Variants in MMS22L observed in about 807,000 individuals in gnomAD.
MMS22L encodes the protein protein MMS22-like.
Under a neutral mutation model 159.1 loss-of-function variants are expected in MMS22L, and 74 were observed. That is an observed-to-expected ratio of 0.47 (90% CI 0.39 to 0.56). MMS22L has a LOEUF of 0.56. Among genes scored for constraint, MMS22L ranks in the 20% least tolerant of loss-of-function variants. MMS22L has a pLI of 0.00. For synonymous variants in MMS22L, 517 were observed against 506.9 expected, an observed-to-expected ratio of 1.02 and a Z score of -0.27; for missense variants, 1,351 against 1,422.1, an observed-to-expected ratio of 0.95 and a Z score of 0.80.
chr6:97,250,651 C>T (rs914598141), intron 10 of MMS22L, among the ~76,000 whole-genome samples: 5 of 152,086 alleles, frequency 3.3e-5, no homozygotes, highest in Admixed American at 2.6e-4. Flanking sequence ...TACAGGCCTA[C>T]ACTAAGAAAT....
intron 7 of MMS22L, among the ~76,000 whole-genome samples, chr6:97,269,101 A>G (rs1464019424): frequency 6.6e-6 from 1 of 152,144 alleles, no homozygotes; most frequent in Non-Finnish European, 1.5e-5. Flanking sequence ...TACTAAAAAA[A>G]GAGGAAAATT....
At chr6:97,151,353 T>C (rs566797372) in intron 23 of MMS22L, among the ~76,000 whole-genome samples, 1 of 152,342 alleles carries the variant, frequency 6.6e-6, no homozygotes, top group Non-Finnish European at 1.5e-5. Flanking sequence ...CATGTTATAC[T>C]GATTTGCAGC....
chr6:97,269,986 GA>G lies in MMS22L; in HGVS notation c.612del (p.Pro205HisfsTer18). 1 of 1,610,702 alleles carries G rather than the reference GA, an allele frequency of 6.2e-7. No homozygotes were observed. Among genetic ancestry groups the G allele is most frequent in the Non-Finnish European group, 8.5e-7 (1 of 1,178,238 alleles). On this transcript the variant is annotated frameshift_variant, in exon 7 of 25. Coordinates refer to ENST00000683635, the MANE Select transcript of MMS22L (RefSeq NM_001350599.2). LOFTEE classifies it high-confidence loss of function. The stretch of plus-strand genomic sequence containing the variant: ...AGATGTAATAAATGCCATGACGGTG[GA>G]AAAAGCTGTGGATGACATTATCAAC... Reference protein sequence around the residue: ...AFVNQNQIKLFPPSWHLLHLH... With the variant: ...AFVNQNQIKLXPPSWHLLHLH...
At chr6:97,193,105 A>G (rs1419721934) in intron 14 of MMS22L, among the ~76,000 whole-genome samples, 1 of 152,242 alleles carries the variant, frequency 6.6e-6, no homozygotes, top group Admixed American at 6.5e-5. Flanking sequence ...ATAAAGTAGT[A>G]TAACAGCTAA....
chr6:97,228,621 T>C (rs1357289787), intron 14 of MMS22L, among the ~76,000 whole-genome samples: 1 of 152,182 alleles, frequency 6.6e-6, no homozygotes, highest in Non-Finnish European at 1.5e-5. Flanking sequence ...CTCCTCAAAA[T>C]ATCTCATTAT....
At position 97,149,835 on chromosome 6, in the gene MMS22L, T is replaced by C; in HGVS notation, c.3650+18A>G. ...ATAATCACTGCCCCCCCCAATGTAA[T>C]TAAATTATCAAACATACCTTTGTGC... On this transcript the variant is annotated intron_variant, in intron 24 of 24. Coordinates refer to ENST00000683635, the MANE Select transcript of MMS22L (RefSeq NM_001350599.2). 6.4e-7 allele frequency: 1 copy of C among 1,563,856 alleles called. No homozygotes were observed. The highest frequency in any genetic ancestry group is 8.7e-7 in the Non-Finnish European group (1 of 1,154,466).
chr6:97,226,731 GAT>G (rs1810299516), intron 14 of MMS22L, among the ~76,000 whole-genome samples: 1 of 152,060 alleles, frequency 6.6e-6, no homozygotes, highest in African/African-American at 2.4e-5. Flanking sequence ...GTAGGAAGGA[GAT>G]ATCTGGAAGG....
chr6:97,159,106 T>C (rs1241280624), intron 22 of MMS22L, among the ~76,000 whole-genome samples: 1 of 151,034 alleles, frequency 6.6e-6, no homozygotes, highest in African/African-American at 2.4e-5. Flanking sequence ...GTCTGTTTTA[T>C]CAGAGACTAG....
intron 14 of MMS22L, among the ~76,000 whole-genome samples, chr6:97,215,113 TA>T (rs139698760): frequency 0.46 from 56,559 of 123,542 alleles, 11,968 homozygotes; most frequent in Non-Finnish European, 0.55. Context: ...TATATATATA[TA>T]TTTTTTTTTT....
chr6:97,275,479 A>T (rs1816163924), intron 4 of MMS22L, among the ~76,000 whole-genome samples: 1 of 152,236 alleles, frequency 6.6e-6, no homozygotes, highest in South Asian at 2.1e-4. Context: ...GTAAGCCGAG[A>T]TGGCGCCACT....
At chr6:97,215,820 C>G (rs1808949760) in intron 14 of MMS22L, among the ~76,000 whole-genome samples, 1 of 152,066 alleles carries the variant, frequency 6.6e-6, no homozygotes, top group African/African-American at 2.4e-5. Flanking sequence ...TCCCTTAAAC[C>G]CCCCTGTTGC....
chr6:97,282,030 T>C (rs62413947), intron 2 of MMS22L, among the ~76,000 whole-genome samples: 2,442 of 152,256 alleles, frequency 0.016, 35 homozygotes, highest in South Asian at 0.05. Flanking sequence ...AAGGCTCAGA[T>C]AGTTAGGAAT....
chr6:97,243,341 T>C (rs896059568), intron 11 of MMS22L, among the ~76,000 whole-genome samples: 3 of 152,082 alleles, frequency 2.0e-5, no homozygotes, highest in Non-Finnish European at 4.4e-5. Flanking sequence ...CAAGCTCTGA[T>C]GCTCTTTCTT....
chr6:97,152,304 T>A (rs1801396122), intron 22 of MMS22L, among the ~76,000 whole-genome samples: 1 of 152,050 alleles, frequency 6.6e-6, no homozygotes, highest in South Asian at 2.1e-4. Context: ...CTAGATACCG[T>A]GAACAATTTC....
At chr6:97,249,156 T>C (rs1458404633) in intron 10 of MMS22L, among the ~76,000 whole-genome samples, 1 of 152,128 alleles carries the variant, frequency 6.6e-6, no homozygotes, top group Non-Finnish European at 1.5e-5. Flanking sequence ...GGAACTCCCA[T>C]AAAAATTATG....
At chr6:97,172,490 C>A (rs374145253) in intron 19 of MMS22L, among the ~76,000 whole-genome samples, 25 of 152,162 alleles carry the variant, frequency 1.6e-4, no homozygotes, top group African/African-American at 5.8e-4. Context: ...TTGGTTAGCA[C>A]CATGGTTTTC....
At chr6:97,225,404 G>A (rs1810120918) in intron 14 of MMS22L, among the ~76,000 whole-genome samples, 1 of 151,062 alleles carries the variant, frequency 6.6e-6, no homozygotes, top group Non-Finnish European at 1.5e-5. Flanking sequence ...ACGGAGTCGT[G>A]CAGTGGCGTG....
At chr6:97,148,668 T>C (rs1425254726) in intron 24 of MMS22L, among the ~76,000 whole-genome samples, 1 of 152,012 alleles carries the variant, frequency 6.6e-6, no homozygotes, top group Non-Finnish European at 1.5e-5. Flanking sequence ...TAAGCTTTTT[T>C]ACAAGAGTAA....
chr6:97,240,130 C>T (rs941731308), intron 11 of MMS22L, among the ~76,000 whole-genome samples: 5 of 152,134 alleles, frequency 3.3e-5, no homozygotes, highest in Non-Finnish European at 4.4e-5. Context: ...CAGTTCTATC[C>T]AAATATATTA....
Sources: allele counts gnomAD v4.1 joint callset (sites outside exome capture counted in the v4.1 genomes callset), GRCh38; gene constraint gnomAD v4.1.1; transcripts MANE v1.5; gene names NCBI Gene and HGNC (gene_info 2026-07-23, HGNC 2026-07-21).